Variants in HDAC5 observed in about 807,000 individuals in gnomAD.
The protein encoded by HDAC5 is antigen NY-CO-9.
HDAC5 carries 25 observed loss-of-function variants against 133.3 expected under a neutral mutation model. The ratio of observed to expected loss-of-function variants is 0.19; its 90% CI spans 0.14 to 0.26. The LOEUF is 0.26. HDAC5 is among the 10% of genes least tolerant of loss of function. The pLI is 1.00. For synonymous variants in HDAC5, 589 were observed against 610.8 expected (o/e 0.96, Z 0.53); for missense variants, 1,041 against 1,460.5 (o/e 0.71, Z 4.68).
chr17:44,092,600 G>C (rs1421463524), intron 7 of HDAC5, 73 bp from the exon 8 acceptor site: 18 of 1,555,740 alleles, frequency 1.2e-5, no homozygotes, highest in Non-Finnish European at 1.4e-5. Flanking sequence ...ACTGGGGTCA[G>C]GGCTGACACT....
intron 1 of HDAC5, among the ~76,000 whole-genome samples, chr17:44,118,335 C>T (rs967413934): frequency 2.0e-5 from 3 of 152,206 alleles, no homozygotes; most frequent in Admixed American, 2.0e-4. Context: ...CTGGCAGGTG[C>T]AGGGCCCAAG....
intron 13 of HDAC5, 138 bp downstream of exon 13, chr17:44,087,274 C>G: frequency 1.6e-6 from 1 of 612,566 alleles, no homozygotes; most frequent in South Asian, 2.1e-5. Flanking sequence ...TCCCACTCCC[C>G]TTTTGCTCTC....
chr17:44,115,273 G>A (rs2052580955), intron 2 of HDAC5, among the ~76,000 whole-genome samples: 1 of 152,224 alleles, frequency 6.6e-6, no homozygotes, highest in African/African-American at 2.4e-5. Flanking sequence ...AGGGAAGTGA[G>A]GAAAAGGTGG....
chr17:44,097,916 G>A (rs961353523), intron 3 of HDAC5, among the ~76,000 whole-genome samples: 13 of 152,262 alleles, frequency 8.5e-5, no homozygotes, highest in African/African-American at 2.9e-4. Flanking sequence ...GAGATGTTAG[G>A]CCCGGAGCTG....
At chr17:44,105,449 A>G (rs2051875458) in intron 3 of HDAC5, among the ~76,000 whole-genome samples, 1 of 152,218 alleles carries the variant, frequency 6.6e-6, no homozygotes, top group Non-Finnish European at 1.5e-5. Flanking sequence ...ATACCTGGGT[A>G]CAAAGCTACA....
chr17:44,104,956 A>C (rs35186062), intron 3 of HDAC5, among the ~76,000 whole-genome samples: 1 of 152,142 alleles, frequency 6.6e-6, no homozygotes, highest in South Asian at 2.1e-4. Context: ...AGGCCTGAAG[A>C]CCAGCAACTC....
In HDAC5 at chr17:44,080,538, G is replaced by A. The variant is rs779452678; in HGVS notation, c.2728-40C>T. ...GGGGAGAGGGCTATTCTCACCACCT[G>A]GGAGTCCCAAACATTGCCCCTGCCC... is the stretch of plus-strand genomic sequence containing the variant. On this transcript the variant is annotated intron_variant, in intron 21 of 26. Transcript: ENST00000682912. 4 of 1,581,562 alleles carry A rather than the reference G, an allele frequency of 2.5e-6. No homozygotes were observed. The Admixed American group carries it at 6.7e-5, about 27-fold the overall frequency.
intron 2 of HDAC5, among the ~76,000 whole-genome samples, chr17:44,115,747 C>G (rs1274951991): frequency 1.3e-5 from 2 of 152,326 alleles, no homozygotes; most frequent in African/African-American, 4.8e-5. Context: ...CTGGCCCCCT[C>G]CTTTTTTCCT....
At chr17:44,087,063 C>G (rs1483134514) in intron 13 of HDAC5, among the ~76,000 whole-genome samples, 1 of 151,616 alleles carries the variant, frequency 6.6e-6, no homozygotes, top group African/African-American at 2.4e-5. Context: ...GCCAGCTAGG[C>G]GCGAGGCAGA....
Position 44,123,547 on chromosome 17 carries a change from AGCG to A in HDAC5, c.-236_-234del. Reference sequence around the variant, plus strand: ...CGGCTTCGCGGGCGGCGGCGGCAGCAGCGGCGGCGGCAGCGGCGGCAGCACCTC... The same window carrying A: ...CGGCTTCGCGGGCGGCGGCGGCAGCAGCGGCGGCAGCGGCGGCAGCACCTC... On this transcript the variant is annotated 5_prime_UTR_variant, in exon 1 of 27. Coordinates refer to ENST00000682912, the MANE Select transcript of HDAC5 (RefSeq NM_005474.5). 2.5e-6 allele frequency: 1 copy of A among 400,000 alleles called. No homozygotes were observed. Among genetic ancestry groups the A allele is most frequent in the Non-Finnish European group, 4.4e-6 (1 of 228,266 alleles). 24.8% of individuals were successfully genotyped at this position (400,000 alleles called of 1,614,324 possible).
Position 44,088,342 on chromosome 17 carries a change from C to T in HDAC5, c.1599+45G>A, listed in dbSNP as rs2931276. The T allele has an allele frequency of 2.4e-5, 37 of 1,536,816 alleles. No homozygotes were observed. The African/African-American group carries it at 4.0e-4, about 17-fold the overall frequency. ...CTGCCAGCCTGGTACTCTCCTGTGTCCTGCCCCCACCACAGCCCCAGGCCA... is the reference window on the plus strand; with the variant it reads ...CTGCCAGCCTGGTACTCTCCTGTGTTCTGCCCCCACCACAGCCCCAGGCCA... On this transcript the variant is annotated intron_variant, in intron 12 of 26. Transcript: ENST00000682912.
chr17:44,113,167 G>A (rs1309057721), intron 2 of HDAC5, among the ~76,000 whole-genome samples: 3 of 152,202 alleles, frequency 2.0e-5, no homozygotes, highest in Non-Finnish European at 4.4e-5. Flanking sequence ...ATAGGAGAGT[G>A]TGGCAGGAGA....
rs557003644 is a variant in HDAC5, at chr17:44,101,785, G to A, written c.95-7951C>T. Among the ~76,000 whole-genome samples the A allele has an allele frequency of 5.3e-5, 8 of 152,128 alleles. No individual in the cohort carries two copies. The South Asian group carries it at 8.3e-4, about 16-fold the overall frequency. ...AGGCAGGTTCCCTCTGAACACACAC[G>A]TGTGCAGTCTGGCTCCCATGTGGGA... is the stretch of plus-strand genomic sequence containing the variant. On this transcript the variant is annotated intron_variant, in intron 3 of 26. Transcript: ENST00000682912.
chr17:44,093,838 T>A lies in HDAC5; in HGVS notation c.95-4A>T, dbSNP rs454192. 6 of 1,487,906 alleles carry A rather than the reference T, an allele frequency of 4.0e-6. No individual in the cohort carries two copies. In the East Asian group the frequency reaches 9.3e-5, roughly 23 times the overall value. The allele number at this position is 1,487,906 out of a possible 1,614,324, so 92.2% of individuals were successfully genotyped here. Reference sequence around the variant, plus strand: ...GGCAGCACCGGCTTCACCTCCACTGTGGGCAGAAGAGACAGGAAGGAGTTA... The same window carrying A: ...GGCAGCACCGGCTTCACCTCCACTGAGGGCAGAAGAGACAGGAAGGAGTTA... On this transcript the variant is annotated splice_region_variant and splice_polypyrimidine_tract_variant and intron_variant, in intron 3 of 26. Coordinates refer to ENST00000682912, the MANE Select transcript of HDAC5 (RefSeq NM_005474.5).
chr17:44,087,181 C>A (rs1054524385), intron 13 of HDAC5, among the ~76,000 whole-genome samples: 1 of 151,782 alleles, frequency 6.6e-6, no homozygotes, highest in Admixed American at 6.6e-5. Flanking sequence ...GTATCACAGA[C>A]ACAGGGAGGG....
Position 44,080,421 on chromosome 17 carries a change from C to G in HDAC5, c.2805G>C (p.Val935=), listed in dbSNP as rs752185350. The change falls in exon 22 of 27, where the codon GTG becomes GTC. Residue 935 remains valine, a synonymous_variant. Transcript: ENST00000682912. The part of the protein sequence containing the change: ...TGGVDPPIGD[V]EYLTAFRTVV... ...CCTACCTGAAGGCTGTAAGGTACTCCACGTCTCCAATGGGGGGGTCCACAC... is the reference window on the plus strand; with the variant it reads ...CCTACCTGAAGGCTGTAAGGTACTCGACGTCTCCAATGGGGGGGTCCACAC... 2.5e-6 allele frequency: 4 copies of G among 1,614,078 alleles called. No homozygotes were observed. Among genetic ancestry groups the G allele is most frequent in the Middle Eastern group, 1.6e-4 (1 of 6,062 alleles).
At chr17:44,109,266 T>C (rs368213254) in intron 3 of HDAC5, among the ~76,000 whole-genome samples, 1 of 152,212 alleles carries the variant, frequency 6.6e-6, no homozygotes, top group Non-Finnish European at 1.5e-5. Flanking sequence ...TCCCAGAGGC[T>C]GTGGGCTAGG....
At chr17:44,113,101 G>C (rs1447117533) in intron 2 of HDAC5, among the ~76,000 whole-genome samples, 2 of 152,190 alleles carry the variant, frequency 1.3e-5, no homozygotes, top group Non-Finnish European at 2.9e-5. Flanking sequence ...ACCCACGCTA[G>C]GAGTAACCAG....
chr17:44,099,459 CTG>C (rs931149687), intron 3 of HDAC5, among the ~76,000 whole-genome samples: 7 of 151,986 alleles, frequency 4.6e-5, no homozygotes, highest in African/African-American at 1.7e-4. Context: ...GTGGGTGGGG[CTG>C]TGTGTGTTTC....
Sources: gnomAD v4.1 joint callset for allele counts (sites outside exome capture counted in the v4.1 genomes callset) on GRCh38, gnomAD v4.1.1 for gene constraint, MANE v1.5 for transcripts, NCBI Gene and HGNC (gene_info 2026-07-23, HGNC 2026-07-21) for gene names.